The following EPN2 variants were observed in gnomAD, a reference collection of about 807,000 sequenced individuals.
The protein encoded by EPN2 is epsin-2.
In EPN2, 34 loss-of-function variants were observed where a neutral mutation model predicts 61.7. That is an observed-to-expected ratio of 0.55 (90% CI 0.42 to 0.73). The LOEUF is 0.73. Among genes scored for constraint, EPN2 ranks in the 30% least tolerant of loss-of-function variants. The pLI, the probability that EPN2 is intolerant of heterozygous loss-of-function variation, is 0.00. For missense variants in EPN2, 714 were observed against 839.2 expected (o/e 0.85, Z 1.84); for synonymous variants, 349 against 353.6 (o/e 0.99, Z 0.15).
chr17:19,249,682 G>A (rs1757848055), intron 1 of EPN2, among the ~76,000 whole-genome samples: 1 of 152,226 alleles, frequency 6.6e-6, no homozygotes, highest in African/African-American at 2.4e-5. Context: ...GATGTGTTTT[G>A]TTTGTGCCTC....
chr17:19,305,681 G>A (rs761583881), intron 4 of EPN2, among the ~76,000 whole-genome samples: 12 of 152,152 alleles, frequency 7.9e-5, no homozygotes, highest in Admixed American at 2.0e-4. Flanking sequence ...TTTTAGGAGC[G>A]CATTTGGGAA....
chr17:19,314,464 C>CA (rs1171537508), intron 7 of EPN2, among the ~76,000 whole-genome samples: 1 of 152,136 alleles, frequency 6.6e-6, no homozygotes, highest in Non-Finnish European at 1.5e-5. Flanking sequence ...GGAGTGGGTG[C>CA]AGATGCAACC....
rs1167418037 is a variant in EPN2, at chr17:19,281,999, C to A, written c.-249C>A. The A allele has an allele frequency of 6.6e-6, 1 of 152,172 alleles. No individual in the cohort carries two copies. Among genetic ancestry groups the A allele is most frequent in the African/African-American group, 2.4e-5 (1 of 41,430 alleles). The allele number at this position is 152,172 out of a possible 1,614,324, so 9.4% of individuals were successfully genotyped here. Reference sequence around the variant, plus strand: ...CACAGTGCTAAGTGCTGGGTGCTCACTGGTGATGAGGCAGATGAAGGTTAC... The same window carrying A: ...CACAGTGCTAAGTGCTGGGTGCTCAATGGTGATGAGGCAGATGAAGGTTAC... On this transcript the variant is annotated 5_prime_UTR_variant, in exon 2 of 11. In the 5' UTR this introduces an upstream ATG that the reference lacks. Coordinates refer to ENST00000314728, the MANE Select transcript of EPN2 (RefSeq NM_014964.5).
intron 7 of EPN2, chr17:19,313,591 G>T (rs941745744): frequency 3.3e-5 from 11 of 333,964 alleles, no homozygotes; most frequent in Non-Finnish European, 4.4e-5. Context: ...CAGCCTCAGC[G>T]TTACACCCAG....
At chr17:19,277,945 T>C (rs751823102) in intron 1 of EPN2, among the ~76,000 whole-genome samples, 5 of 151,648 alleles carry the variant, frequency 3.3e-5, no homozygotes, top group Non-Finnish European at 7.4e-5. Context: ...TGGTGGTGGG[T>C]GCCTGTAGTC....
chr17:19,327,787 T>A (rs946092820), intron 7 of EPN2, among the ~76,000 whole-genome samples: 1 of 152,020 alleles, frequency 6.6e-6, no homozygotes, highest in Non-Finnish European at 1.5e-5. Context: ...CAAGATAAAC[T>A]AGAAGGAGAA....
intron 4 of EPN2, among the ~76,000 whole-genome samples, chr17:19,289,724 G>GTTTTTT (rs58087532): frequency 0.017 from 1,304 of 77,946 alleles, 33 homozygotes; most frequent in Non-Finnish European, 0.025. Flanking sequence ...GGCGCTCATG[G>GTTTTTT]TTTTTTTTTT....
At chr17:19,326,460 G>A (rs1454469634) in intron 7 of EPN2, among the ~76,000 whole-genome samples, 2 of 152,096 alleles carry the variant, frequency 1.3e-5, no homozygotes, top group Non-Finnish European at 2.9e-5. Flanking sequence ...GCCAAGGCGG[G>A]CAGATCACAA....
intron 4 of EPN2, among the ~76,000 whole-genome samples, chr17:19,304,828 G>A (rs1323472169): frequency 1.3e-5 from 2 of 152,166 alleles, no homozygotes; most frequent in Non-Finnish European, 2.9e-5. Flanking sequence ...TCTTCCCTTG[G>A]CTGACATGCA....
chr17:19,293,770 A>G (rs939290257), intron 4 of EPN2, among the ~76,000 whole-genome samples: 2 of 151,914 alleles, frequency 1.3e-5, no homozygotes, highest in Admixed American at 1.3e-4. Context: ...TTGTCAGAAT[A>G]TGGGATTGTT....
In EPN2 at chr17:19,282,041, A is replaced by C. The variant is rs1188627844; in HGVS notation, c.-207A>C. Reference sequence around the variant, plus strand: ...GAAGGTTACCAAACTTGTGGACAGGAGCCTCATATCAGAGACGTGGACCTC... The same window carrying C: ...GAAGGTTACCAAACTTGTGGACAGGCGCCTCATATCAGAGACGTGGACCTC... On this transcript the variant is annotated 5_prime_UTR_variant, in exon 2 of 11. Coordinates refer to ENST00000314728, the MANE Select transcript of EPN2 (RefSeq NM_014964.5). 6.6e-6 allele frequency: 1 copy of C among 152,208 alleles called. No individual in the cohort carries two copies. Among genetic ancestry groups the C allele is most frequent in the African/African-American group, 2.4e-5 (1 of 41,440 alleles). The allele number at this position is 152,208 out of a possible 1,614,324, so 9.4% of individuals were successfully genotyped here.
chr17:19,243,614 C>T (rs1247416405), intron 1 of EPN2, among the ~76,000 whole-genome samples: 12 of 152,094 alleles, frequency 7.9e-5, no homozygotes, highest in African/African-American at 2.6e-4. Context: ...AGGATGGTCT[C>T]GATCTCCTGA....
At chr17:19,288,132 C>G (rs967686449) in intron 4 of EPN2, among the ~76,000 whole-genome samples, 3 of 152,248 alleles carry the variant, frequency 2.0e-5, no homozygotes, top group African/African-American at 7.2e-5. Flanking sequence ...GTTGCTTCCA[C>G]CAGCTGTGTC....
At chr17:19,281,850 A>C (rs952552915) in intron 1 of EPN2, 105 bp from the exon 2 acceptor site, 2 of 152,180 alleles carry the variant, frequency 1.3e-5, no homozygotes, top group African/African-American at 4.8e-5. Context: ...CTAGGGCCTC[A>C]GTTTTCCCAT....
At chr17:19,295,366 A>ACGCGCGCGCGCGCGCGCGCGCGCG (rs1555600589) in intron 4 of EPN2, among the ~76,000 whole-genome samples, 1 of 140,318 alleles carries the variant, frequency 7.1e-6, no homozygotes, top group African/African-American at 2.8e-5. Context: ...ACACACACAC[A>ACGCGCGCGCGCGCGCGCGCGCGCG]CGCGCGTGCG....
At chr17:19,261,218 C>T (rs551317585) in intron 1 of EPN2, among the ~76,000 whole-genome samples, 1 of 152,300 alleles carries the variant, frequency 6.6e-6, no homozygotes, top group East Asian at 1.9e-4. Flanking sequence ...CTCCCACTGG[C>T]GGTGTTGATG....
chr17:19,315,926 G>T (rs893940686), intron 7 of EPN2, among the ~76,000 whole-genome samples: 11 of 152,188 alleles, frequency 7.2e-5, no homozygotes, highest in African/African-American at 2.7e-4. Flanking sequence ...CAACCAGTAT[G>T]TGCTTTCTAT....
chr17:19,237,861 T>A (rs554522554), intron 1 of EPN2, among the ~76,000 whole-genome samples: 3 of 151,724 alleles, frequency 2.0e-5, no homozygotes, highest in Non-Finnish European at 4.4e-5. Flanking sequence ...TACTCCTACC[T>A]CGGATCCTGG....
Position 19,335,731 on chromosome 17 carries a change from A to G in EPN2, c.*1477A>G. ...TCTCTTGTATTTTGGAGATGAAGAA[A>G]AAAGTCATTCACCTGGGAGGGATTT... is the stretch of plus-strand genomic sequence containing the variant. On this transcript the variant is annotated 3_prime_UTR_variant, in exon 11 of 11. Coordinates refer to ENST00000314728, the MANE Select transcript of EPN2 (RefSeq NM_014964.5). 5.7e-6 allele frequency: 2 copies of G among 348,532 alleles called. No homozygotes were observed. Among genetic ancestry groups the G allele is most frequent in the East Asian group, 8.6e-5 (2 of 23,164 alleles). The allele number at this position is 348,532 out of a possible 1,614,324, so 21.6% of individuals were successfully genotyped here. A position where few individuals can be genotyped will look rare whatever the true frequency, so the allele number is the denominator to read the frequency against.
Sources: gnomAD v4.1 joint callset for allele counts (sites outside exome capture counted in the v4.1 genomes callset) on GRCh38, gnomAD v4.1.1 for gene constraint, MANE v1.5 for transcripts, NCBI Gene and HGNC (gene_info 2026-07-23, HGNC 2026-07-21) for gene names.